The following CSMD1 variants were observed in gnomAD, a reference collection of about 807,000 sequenced individuals.
CSMD1 encodes the protein CUB and Sushi multiple domains 1.
A neutral mutation model predicts 417.5 loss-of-function variants in CSMD1; 213 were observed. The ratio of observed to expected loss-of-function variants is 0.51; its 90% CI spans 0.46 to 0.57. The LOEUF is 0.57. CSMD1 is among the 20% of genes least tolerant of loss of function. The probability of loss-of-function intolerance (pLI) is 0.00; values close to 1 mark genes in which losing one functional copy is unlikely to be tolerated. For missense variants in CSMD1, 6,923 were observed against 4,529.7 expected, an observed-to-expected ratio of 1.53 and a Z score of -15.17; for synonymous variants, 2,862 against 1,736.8, an observed-to-expected ratio of 1.65 and a Z score of -16.11.
chr8:3,135,706 GATCACATTT>G (rs1173263984), intron 41 of CSMD1, among the ~76,000 whole-genome samples: 30 of 152,148 alleles, frequency 2.0e-4, no homozygotes, highest in Admixed American at 7.2e-4. Flanking sequence ...GAAGTCTGCT[GATCACATTT>G]CTGACTCTGT....
At chr8:3,692,643 G>C (rs962372838) in intron 7 of CSMD1, among the ~76,000 whole-genome samples, 4 of 152,034 alleles carry the variant, frequency 2.6e-5, no homozygotes, top group Non-Finnish European at 5.9e-5. Context: ...ATGTTGGTCA[G>C]GCTGGTCTCG....
chr8:4,840,903 ACAC>A (rs1309037579), intron 1 of CSMD1, among the ~76,000 whole-genome samples: 1 of 152,234 alleles, frequency 6.6e-6, no homozygotes, highest in African/African-American at 2.4e-5. Context: ...GTCTCAATCA[ACAC>A]CACTACTGTA....
At chr8:4,419,286 C>T (rs1033315739) in intron 3 of CSMD1, among the ~76,000 whole-genome samples, 2 of 152,138 alleles carry the variant, frequency 1.3e-5, no homozygotes, top group African/African-American at 2.4e-5. Flanking sequence ...AAAGTAGACA[C>T]ACATCGGCCT....
chr8:4,829,671 T>C (rs1800032615), intron 1 of CSMD1, among the ~76,000 whole-genome samples: 1 of 147,124 alleles, frequency 6.8e-6, no homozygotes, highest in Non-Finnish European at 1.5e-5. Context: ...ATCCAGGATG[T>C]GGGAGCTTCA....
intron 5 of CSMD1, among the ~76,000 whole-genome samples, chr8:3,876,775 A>G (rs1333240966): frequency 6.6e-6 from 1 of 152,008 alleles, no homozygotes; most frequent in Non-Finnish European, 1.5e-5. Flanking sequence ...AGGCACAGCA[A>G]GTTTTTAAAA....
At chr8:3,116,986 T>G (rs1816912804) in intron 42 of CSMD1, among the ~76,000 whole-genome samples, 1 of 152,128 alleles carries the variant, frequency 6.6e-6, no homozygotes, top group South Asian at 2.1e-4. Flanking sequence ...TAAGTGCTAT[T>G]TTATATGTAA....
intron 10 of CSMD1, among the ~76,000 whole-genome samples, chr8:3,517,456 T>C (rs1248780135): frequency 1.3e-5 from 2 of 152,192 alleles, no homozygotes; most frequent in African/African-American, 4.8e-5. Context: ...GATTTCCAAA[T>C]TGCCAGTGAA....
chr8:4,404,651 C>T (rs910585356), intron 3 of CSMD1, among the ~76,000 whole-genome samples: 32 of 151,964 alleles, frequency 2.1e-4, no homozygotes, highest in African/African-American at 5.5e-4. Context: ...ATATTAAATC[C>T]ATTAATATTT....
intron 26 of CSMD1, among the ~76,000 whole-genome samples, chr8:3,247,240 C>T (rs781262089): frequency 6.6e-6 from 1 of 152,158 alleles, no homozygotes; most frequent in Non-Finnish European, 1.5e-5. Flanking sequence ...AATGTACATT[C>T]ACAGCGATGT....
In CSMD1 at chr8:4,415,368, T is replaced by C. The variant is rs141227739; in HGVS notation, c.415+4585A>G. ...TCCTTACTCAGGAAGATCCTTCTGTTGTCTCTCTTCCTTGAGACCTTCTAT... is the reference window on the plus strand; with the variant it reads ...TCCTTACTCAGGAAGATCCTTCTGTCGTCTCTCTTCCTTGAGACCTTCTAT... On this transcript the variant is annotated intron_variant, in intron 3 of 69. Transcript: ENST00000635120. 2.4e-3 allele frequency among the ~76,000 whole-genome samples: 371 copies of C among 152,326 alleles called. 1 individual carries two copies. The highest frequency in any genetic ancestry group is 8.2e-3 in the African/African-American group (341 of 41,576).
intron 1 of CSMD1, among the ~76,000 whole-genome samples, chr8:4,925,503 T>C (rs1315491789): frequency 6.6e-6 from 1 of 151,984 alleles, no homozygotes; most frequent in Non-Finnish European, 1.5e-5. Flanking sequence ...TTGTGTTCCT[T>C]ATTCTGAAAC....
At chr8:4,761,881 ATCTATCTACCTACCT>A (rs1812108803) in intron 1 of CSMD1, among the ~76,000 whole-genome samples, 13 of 89,586 alleles carry the variant, frequency 1.5e-4, no homozygotes, top group African/African-American at 5.1e-4. Flanking sequence ...CTATCTATCT[ATCTATCTACCTACCT>A]ATCTATCTAT....
At position 3,214,486 on chromosome 8, in the gene CSMD1, C is replaced by A. The variant is rs188493856; in HGVS notation, c.4867+11G>T. 2 of 1,568,040 alleles carry A rather than the reference C, an allele frequency of 1.3e-6. No homozygotes were observed. The highest frequency in any genetic ancestry group is 4.6e-5 in the East Asian group (2 of 43,674). ...GTTGTATTTCTAGAAAATACCCAAGCGTGCACTCACCATTGCAGGAGGGCA... is the reference window on the plus strand; with the variant it reads ...GTTGTATTTCTAGAAAATACCCAAGAGTGCACTCACCATTGCAGGAGGGCA... On this transcript the variant is annotated intron_variant, in intron 30 of 69. Transcript: ENST00000635120.
At chr8:4,247,650 A>C (rs886687463) in intron 3 of CSMD1, among the ~76,000 whole-genome samples, 2 of 152,182 alleles carry the variant, frequency 1.3e-5, no homozygotes, top group Non-Finnish European at 2.9e-5. Flanking sequence ...AGTTATCACC[A>C]TTCAACATGT....
intron 2 of CSMD1, among the ~76,000 whole-genome samples, chr8:4,454,069 GC>G (rs1563192577): frequency 6.6e-6 from 1 of 152,004 alleles, no homozygotes; most frequent in Non-Finnish European, 1.5e-5. Flanking sequence ...TGATCCGCCC[GC>G]CTCGGCCTCC....
chr8:4,112,044 G>C (rs572544207), intron 3 of CSMD1, among the ~76,000 whole-genome samples: 2 of 151,590 alleles, frequency 1.3e-5, no homozygotes, highest in African/African-American at 4.8e-5. Flanking sequence ...TCTACTTTAT[G>C]TTAACATTTG....
rs114483102 is a variant in CSMD1 at position 3,195,045 on chromosome 8, T to G, written c.5194+4669A>C. On this transcript the variant is annotated intron_variant, in intron 33 of 69. Transcript: ENST00000635120. ...AAAATGTACAGTAAATCCTTGCAGT[T>G]TACTCATTTTGGTGTGACTGTGTGA... 4.3e-3 allele frequency among the ~76,000 whole-genome samples: 658 copies of G among 152,302 alleles called. 6 individuals carry two copies. The highest frequency in any genetic ancestry group is 0.015 in the African/African-American group (619 of 41,564).
intron 67 of CSMD1, among the ~76,000 whole-genome samples, 197 bp downstream of exon 67, chr8:2,950,034 C>G (rs1020802427): frequency 2.0e-5 from 3 of 152,170 alleles, no homozygotes; most frequent in Admixed American, 6.6e-5. Context: ...TCATTGCTTA[C>G]TTCTTAGACC....
chr8:4,267,355 A>G lies in CSMD1; in HGVS notation c.415+152598T>C, dbSNP rs1476998788. On this transcript the variant is annotated intron_variant, in intron 3 of 69. Coordinates refer to ENST00000635120, the MANE Select transcript of CSMD1 (RefSeq NM_033225.6). ...GCAATTAGGATGAAAAAGTAACAAT[A>G]AGAGTTTAAAAGGGAGTCTTAGGAT... is the stretch of plus-strand genomic sequence containing the variant. 3.5e-5 allele frequency among the ~76,000 whole-genome samples: 2 copies of G among 56,866 alleles called. 1 individual carries two copies. The highest frequency in any genetic ancestry group is 6.9e-5 in the African/African-American group (2 of 28,946). The allele number at this position is 56,866 out of a possible 152,430, so 37.3% of individuals were successfully genotyped here.
Sources: gnomAD v4.1 joint callset for allele counts (sites outside exome capture counted in the v4.1 genomes callset) on GRCh38, gnomAD v4.1.1 for gene constraint, MANE v1.5 for transcripts, NCBI Gene and HGNC (gene_info 2026-07-23, HGNC 2026-07-21) for gene names.